Variants in BANP observed in about 807,000 individuals in gnomAD.
BANP encodes the protein BTG3 associated nuclear protein.
A neutral mutation model predicts 68.1 loss-of-function variants in BANP; 11 were observed. The observed-to-expected ratio is 0.16, with a 90% CI of 0.10 to 0.27. The LOEUF (loss-of-function observed/expected upper bound fraction) is 0.27. Ranked by LOEUF, BANP falls within the 10% of genes least tolerant of loss-of-function variation. The pLI is 1.00. For synonymous variants in BANP, 329 were observed against 303.2 expected, an observed-to-expected ratio of 1.09 and a Z score of -0.88; for missense variants, 504 against 722.7, an observed-to-expected ratio of 0.70 and a Z score of 3.47.
chr16:87,952,618 A>C (rs2057183107), intron 1 of BANP: 1 of 152,156 alleles, frequency 6.6e-6, no homozygotes, highest in Non-Finnish European at 1.5e-5. Flanking sequence ...TCAAATAAAA[A>C]CTGGATCTGG....
chr16:88,012,540 T>G (rs1387350622), intron 6 of BANP, among the ~76,000 whole-genome samples: 7 of 152,200 alleles, frequency 4.6e-5, no homozygotes, highest in Non-Finnish European at 8.8e-5. Flanking sequence ...GCCTTCTGAT[T>G]TGTTCACTAT....
At chr16:87,980,108 A>G (rs1359310171) in intron 2 of BANP, among the ~76,000 whole-genome samples, 2 of 152,230 alleles carry the variant, frequency 1.3e-5, no homozygotes, top group Non-Finnish European at 2.9e-5. Context: ...AGAGCACGGT[A>G]GGAGTGCACT....
Position 88,076,722 on chromosome 16 carries a change from C to G in BANP, c.*61C>G. On this transcript the variant is annotated 3_prime_UTR_variant, in exon 14 of 14. Transcript: ENST00000682872. ...CCGCCTACGGCCCGGCCCCCACGCGCCCTGCTCTCACGGCCTCGGCACAGG... is the reference window on the plus strand; with the variant it reads ...CCGCCTACGGCCCGGCCCCCACGCGGCCTGCTCTCACGGCCTCGGCACAGG... 7.0e-7 allele frequency: 1 copy of G among 1,432,876 alleles called. No individual in the cohort carries two copies. Among genetic ancestry groups the G allele is most frequent in the Non-Finnish European group, 9.5e-7 (1 of 1,055,406 alleles). 88.8% of individuals were successfully genotyped at this position (1,432,876 alleles called of 1,614,324 possible). A position where few individuals can be genotyped will look rare whatever the true frequency, so the allele number is the denominator to read the frequency against.
intron 13 of BANP, among the ~76,000 whole-genome samples, 155 bp from the exon 14 acceptor site, chr16:88,076,435 C>A (rs968869313): frequency 3.3e-5 from 5 of 152,356 alleles, no homozygotes; most frequent in Admixed American, 6.5e-5. Context: ...GCGTTGTGTA[C>A]CAAGTCGGGT....
At chr16:87,952,722 G>T (rs901453201) in intron 1 of BANP, 2 of 152,302 alleles carry the variant, frequency 1.3e-5, no homozygotes, top group Non-Finnish European at 2.9e-5. Context: ...CGTGTCTGGC[G>T]ATTAAAATAA....
In BANP at chr16:87,957,536, C is replaced by T. The variant is rs948098400; in HGVS notation, c.-69+6021C>T. 2.0e-5 allele frequency among the ~76,000 whole-genome samples: 3 copies of T among 152,256 alleles called. No individual in the cohort carries two copies. The highest frequency in any genetic ancestry group is 7.2e-5 in the African/African-American group (3 of 41,472). On this transcript the variant is annotated intron_variant, in intron 1 of 13. Coordinates refer to ENST00000682872, the MANE Select transcript of BANP (RefSeq NM_001386991.1). The surrounding 1 kb of genome is among the most constrained non-coding windows in gnomAD (Gnocchi z 4.3). ...GCTCACGGAGGCCTGCCGCAGGGCC[C>T]TGCGCTGACAAACCTTTCGCTAGTG... is the stretch of plus-strand genomic sequence containing the variant.
At chr16:87,951,603 C>A (rs1347576117) in intron 1 of BANP, 88 bp downstream of exon 1, 7 of 150,668 alleles carry the variant, frequency 4.6e-5, no homozygotes, top group Non-Finnish European at 1.0e-4. Flanking sequence ...CCTCCCTCCT[C>A]CTCCCGCCCG....
At chr16:87,949,620 T>G (rs944924603), upstream of BANP, 1 of 152,132 alleles carries the variant, frequency 6.6e-6, no homozygotes, top group Non-Finnish European at 1.5e-5. Flanking sequence ...AAGTCCCATC[T>G]TCAGATCAAC....
chr16:88,029,559 C>G (rs12448519), intron 8 of BANP, among the ~76,000 whole-genome samples: 1 of 148,466 alleles, frequency 6.7e-6, no homozygotes, highest in Admixed American at 6.7e-5. Flanking sequence ...TGCAGTGAGC[C>G]GAGATCACAC....
At chr16:87,988,561 G>C (rs932471389) in intron 4 of BANP, among the ~76,000 whole-genome samples, 1 of 152,048 alleles carries the variant, frequency 6.6e-6, no homozygotes, top group South Asian at 2.1e-4. Context: ...CACCGCCCCC[G>C]GCCGGGACTC....
intron 7 of BANP, among the ~76,000 whole-genome samples, chr16:88,021,708 T>G (rs571972614): frequency 2.7e-4 from 41 of 152,364 alleles, no homozygotes; most frequent in Non-Finnish European, 5.4e-4. Context: ...AGGCCCCAGC[T>G]TGAACAGCGG....
intron 11 of BANP, among the ~76,000 whole-genome samples, chr16:88,038,259 A>G (rs1412742013): frequency 6.6e-6 from 1 of 152,140 alleles, no homozygotes; most frequent in African/African-American, 2.4e-5. Flanking sequence ...CCTCTCACAT[A>G]CAGGCCATGG....
At chr16:88,022,585 C>T (rs529372258) in intron 7 of BANP, among the ~76,000 whole-genome samples, 20 of 152,326 alleles carry the variant, frequency 1.3e-4, no homozygotes, top group Non-Finnish European at 2.4e-4. Context: ...GACCTGGCCC[C>T]GTTGTGTCTT....
chr16:88,024,801 A>G (rs2076668756), intron 7 of BANP, among the ~76,000 whole-genome samples: 1 of 152,020 alleles, frequency 6.6e-6, no homozygotes, highest in African/African-American at 2.4e-5. Flanking sequence ...GACAATGGAA[A>G]CTCGGTGGCG....
intron 13 of BANP, among the ~76,000 whole-genome samples, chr16:88,074,374 G>T (rs2091139726): frequency 1.3e-5 from 2 of 152,184 alleles, no homozygotes; most frequent in Non-Finnish European, 2.9e-5. Context: ...GCCTGTGGGG[G>T]TGGCCAATCC....
chr16:88,039,119 C>T (rs2080129766), intron 11 of BANP, among the ~76,000 whole-genome samples: 1 of 152,182 alleles, frequency 6.6e-6, no homozygotes, highest in Admixed American at 6.5e-5. Flanking sequence ...AGAAGGGCTG[C>T]AGACCCTCCA....
At chr16:87,976,067 G>A (rs2062063763) in intron 2 of BANP, among the ~76,000 whole-genome samples, 1 of 152,190 alleles carries the variant, frequency 6.6e-6, no homozygotes, top group Non-Finnish European at 1.5e-5. Context: ...ATTCACAGGT[G>A]CCCCCTCCAC....
chr16:88,033,961 T>C (rs1459161506), intron 9 of BANP, among the ~76,000 whole-genome samples: 1 of 152,204 alleles, frequency 6.6e-6, no homozygotes, highest in Non-Finnish European at 1.5e-5. Flanking sequence ...CATGCACCAC[T>C]AGACCTCGCC....
At chr16:88,020,336 C>G (rs1406201794) in intron 7 of BANP, among the ~76,000 whole-genome samples, 2 of 152,240 alleles carry the variant, frequency 1.3e-5, no homozygotes, top group Non-Finnish European at 2.9e-5. Context: ...CCCCTCCACC[C>G]TCTGCTTTAG....
Sources: allele counts gnomAD v4.1 joint callset (sites outside exome capture counted in the v4.1 genomes callset), GRCh38; gene constraint gnomAD v4.1.1; non-coding constraint Gnocchi (gnomAD v3.1); transcripts MANE v1.5; gene names NCBI Gene and HGNC (gene_info 2026-07-23, HGNC 2026-07-21).